COX7B2: variants seen among roughly 807,000 people sequenced by gnomAD.
COX7B2 encodes cytochrome c oxidase subunit 7B2, mitochondrial.
For missense variants in COX7B2, 109 were observed against 95.9 expected, an observed-to-expected ratio of 1.14 and a Z score of -0.57; for synonymous variants, 37 against 32.1, an observed-to-expected ratio of 1.15 and a Z score of -0.51.
chr4:46,839,420 T>C (rs1201813019), intron 2 of COX7B2, among the ~76,000 whole-genome samples: 2 of 152,022 alleles, frequency 1.3e-5, no homozygotes, highest in Non-Finnish European at 2.9e-5. Context: ...TTTTCACCAA[T>C]TTGGCTTTCC....
At chr4:46,889,286 A>T (rs1479563688) in intron 1 of COX7B2, among the ~76,000 whole-genome samples, 1 of 152,168 alleles carries the variant, frequency 6.6e-6, no homozygotes, top group East Asian at 1.9e-4. Context: ...ACTGGCCTGG[A>T]TTTCAAACTG....
intron 2 of COX7B2, among the ~76,000 whole-genome samples, chr4:46,838,146 A>G (rs1391559429): frequency 3.3e-5 from 5 of 152,176 alleles, no homozygotes; most frequent in Middle Eastern, 3.4e-3. Context: ...ATCAGCATCA[A>G]ATTATCAAGG....
At chr4:46,807,361 A>G (rs780459427) in intron 2 of COX7B2, among the ~76,000 whole-genome samples, 49 of 151,876 alleles carry the variant, frequency 3.2e-4, no homozygotes, top group Non-Finnish European at 6.5e-4. Flanking sequence ...TTGGGTTATT[A>G]GTTATTCCAC....
chr4:46,736,218 C>G (rs1461457240), intron 2 of COX7B2, among the ~76,000 whole-genome samples: 2 of 152,136 alleles, frequency 1.3e-5, no homozygotes, highest in Non-Finnish European at 2.9e-5. Flanking sequence ...TGCTGCTCAC[C>G]ACACAGAAAG....
chr4:46,905,848 A>C (rs1440040655), intron 1 of COX7B2, among the ~76,000 whole-genome samples: 1 of 60,516 alleles, frequency 1.7e-5, no homozygotes, highest in Non-Finnish European at 3.2e-5. Flanking sequence ...TTTGAGACGG[A>C]GTCTCGCTCT....
At chr4:46,844,237 A>G (rs561935551) in intron 2 of COX7B2, among the ~76,000 whole-genome samples, 1 of 152,120 alleles carries the variant, frequency 6.6e-6, no homozygotes, top group South Asian at 2.1e-4. Context: ...GCAATATATA[A>G]TTTCATACTT....
intron 2 of COX7B2, among the ~76,000 whole-genome samples, chr4:46,817,376 T>C (rs1190604457): frequency 6.6e-6 from 1 of 152,196 alleles, no homozygotes; most frequent in Non-Finnish European, 1.5e-5. Context: ...AGGATATAAA[T>C]GTAGCTACAA....
chr4:46,755,838 C>T (rs1004063017), intron 2 of COX7B2, among the ~76,000 whole-genome samples: 3 of 151,982 alleles, frequency 2.0e-5, no homozygotes. Context: ...GAAAGCATCC[C>T]ATGCTCATGG....
intron 2 of COX7B2, among the ~76,000 whole-genome samples, chr4:46,802,681 C>G (rs981631969): frequency 7.2e-5 from 11 of 152,184 alleles, no homozygotes; most frequent in African/African-American, 2.7e-4. Flanking sequence ...ACAGGAATTT[C>G]TAACTACAGC....
intron 2 of COX7B2, among the ~76,000 whole-genome samples, chr4:46,793,387 C>T (rs1269964984): frequency 7.9e-5 from 12 of 152,114 alleles, no homozygotes. Flanking sequence ...TATGGTCATG[C>T]TGACCTTAGC....
At chr4:46,836,364 A>G (rs1468124176) in intron 2 of COX7B2, among the ~76,000 whole-genome samples, 1 of 151,340 alleles carries the variant, frequency 6.6e-6, no homozygotes, top group Non-Finnish European at 1.5e-5. Flanking sequence ...TTTTTTTTTT[A>G]TATTTTTTTA....
intron 1 of COX7B2, among the ~76,000 whole-genome samples, chr4:46,901,962 G>C (rs1720092295): frequency 6.6e-6 from 1 of 152,148 alleles, no homozygotes; most frequent in Admixed American, 6.6e-5. Context: ...CCCATCTTGG[G>C]ACAACATATT....
chr4:46,825,368 C>T (rs1714612891), intron 2 of COX7B2, among the ~76,000 whole-genome samples: 1 of 151,924 alleles, frequency 6.6e-6, no homozygotes, highest in Non-Finnish European at 1.5e-5. Context: ...AAACACTGCT[C>T]AACTAAATCA....
Position 46,858,612 on chromosome 4 carries a change from G to A in COX7B2, c.-104-13598C>T, listed in dbSNP as rs776593607. ...TTGGTTTGGTGAAGGTTGAGACCCC[G>A]TAGAAGGAGCACTTAATAATTTGGG... On this transcript the variant is annotated intron_variant, in intron 1 of 2. Transcript: ENST00000355591. Among the ~76,000 whole-genome samples, 46 of 152,258 alleles carry A rather than the reference G, an allele frequency of 3.0e-4. 1 individual carries two copies. The highest frequency in any genetic ancestry group is 4.3e-4 in the African/African-American group (18 of 41,556).
At chr4:46,871,172 G>T (rs1717966971) in intron 1 of COX7B2, among the ~76,000 whole-genome samples, 1 of 151,836 alleles carries the variant, frequency 6.6e-6, no homozygotes, top group South Asian at 2.1e-4. Context: ...AGAATAAAGA[G>T]CCCAGATATA....
chr4:46,747,689 A>T (rs1715107244), intron 2 of COX7B2, among the ~76,000 whole-genome samples: 1 of 152,182 alleles, frequency 6.6e-6, no homozygotes, highest in Admixed American at 6.6e-5. Flanking sequence ...GTGACCTTCA[A>T]GTGCAACCAT....
intron 2 of COX7B2, among the ~76,000 whole-genome samples, chr4:46,791,360 T>C (rs1718038896): frequency 6.6e-6 from 1 of 152,198 alleles, no homozygotes; most frequent in South Asian, 2.1e-4. Flanking sequence ...AAACATGACA[T>C]TTTATAATTC....
chr4:46,745,909 C>T (rs571765262), intron 2 of COX7B2, among the ~76,000 whole-genome samples: 13 of 152,196 alleles, frequency 8.5e-5, no homozygotes, highest in African/African-American at 2.6e-4. Context: ...ATTAATCTAA[C>T]GGAGTCTAAA....
intron 2 of COX7B2, among the ~76,000 whole-genome samples, chr4:46,796,374 A>G (rs1718345033): frequency 6.7e-6 from 1 of 148,374 alleles, no homozygotes; most frequent in Non-Finnish European, 1.5e-5. Flanking sequence ...GAGAAATGCA[A>G]ATCAAAACCA....
Sources: allele counts gnomAD v4.1 joint callset (sites outside exome capture counted in the v4.1 genomes callset), GRCh38; gene constraint gnomAD v4.1.1; transcripts MANE v1.5; gene names NCBI Gene and HGNC (gene_info 2026-07-23, HGNC 2026-07-21).